Variants in SNX13 observed in about 807,000 individuals in gnomAD.
SNX13 encodes the protein sorting nexin-13.
SNX13 carries 45 observed loss-of-function variants against 133.6 expected under a neutral mutation model. The observed-to-expected ratio is 0.34, with a 90% CI of 0.27 to 0.43. The LOEUF (loss-of-function observed/expected upper bound fraction) is 0.43, where lower values mean the gene tolerates loss of function less well. Among genes scored for constraint, SNX13 ranks in the 20% least tolerant of loss-of-function variants. The pLI is 1.00. For missense variants in SNX13, 1,032 were observed against 1,145.1 expected (o/e 0.90, Z 1.43); for synonymous variants, 414 against 373.9 (o/e 1.11, Z -1.24).
chr7:17,876,204 ACT>A (rs1268194435), intron 5 of SNX13, among the ~76,000 whole-genome samples: 1 of 152,172 alleles, frequency 6.6e-6, no homozygotes, highest in Non-Finnish European at 1.5e-5. Flanking sequence ...TTTCTTCTGA[ACT>A]CTTTCTGAAT....
chr7:17,850,569 A>T (rs1791087489), intron 10 of SNX13, 134 bp from the exon 11 acceptor site: 1 of 651,060 alleles, frequency 1.5e-6, no homozygotes, highest in Non-Finnish European at 2.4e-6. Context: ...AACCATCTGA[A>T]ATTATACAGT....
At chr7:17,890,680 G>A (rs1016397936) in intron 4 of SNX13, among the ~76,000 whole-genome samples, 196 bp from the exon 5 acceptor site, 5 of 150,976 alleles carry the variant, frequency 3.3e-5, no homozygotes, top group African/African-American at 1.2e-4. Context: ...AATTATTCTG[G>A]TATCCCAACT....
At chr7:17,896,658 G>A (rs1367127625) in intron 2 of SNX13, among the ~76,000 whole-genome samples, 1 of 151,940 alleles carries the variant, frequency 6.6e-6, no homozygotes, top group African/African-American at 2.4e-5. Context: ...AACAACAAAA[G>A]ACTCATTTCA....
intron 1 of SNX13, among the ~76,000 whole-genome samples, chr7:17,902,995 G>A (rs946905496): frequency 1.3e-5 from 2 of 152,064 alleles, no homozygotes; most frequent in Admixed American, 6.5e-5. Context: ...CCTCCACCTC[G>A]CAGGCCATGG....
chr7:17,821,803 G>T, intron 17 of SNX13, 155 bp from the exon 18 acceptor site: 1 of 786,352 alleles, frequency 1.3e-6, no homozygotes, highest in Non-Finnish European at 1.9e-6. Flanking sequence ...ACAGAAGGAT[G>T]TCAGCAAAGG....
rs920335051 is a variant in SNX13, at chr7:17,790,986, T to C, written c.*3059A>G. 50 of 152,026 alleles carry C rather than the reference T, an allele frequency of 3.3e-4. No individual in the cohort carries two copies. Among genetic ancestry groups the C allele is most frequent in the African/African-American group, 1.0e-3 (43 of 41,446 alleles). 9.4% of individuals were successfully genotyped at this position (152,026 alleles called of 1,614,324 possible). A position where few individuals can be genotyped will look rare whatever the true frequency, so the allele number is the denominator to read the frequency against. On this transcript the variant is annotated 3_prime_UTR_variant, in exon 26 of 26. Transcript: ENST00000428135. ...TTATAATCCTAAAATGTGCTCTTCA[T>C]ATTTTTTCCCTTGTAATACAGGAGC...
intron 9 of SNX13, among the ~76,000 whole-genome samples, chr7:17,854,048 A>T (rs2723569): frequency 0.56 from 85,225 of 152,096 alleles, 24,349 homozygotes; most frequent in South Asian, 0.68. Flanking sequence ...ACAAAACTGA[A>T]ATTTGTACCT....
chr7:17,802,150 T>C (rs1378551137), intron 21 of SNX13, among the ~76,000 whole-genome samples: 3 of 152,016 alleles, frequency 2.0e-5, no homozygotes, highest in South Asian at 2.1e-4. Flanking sequence ...CTAGGAGCAA[T>C]AGGCAATACT....
At chr7:17,886,540 C>T (rs1021608831) in intron 5 of SNX13, among the ~76,000 whole-genome samples, 3 of 151,658 alleles carry the variant, frequency 2.0e-5, no homozygotes, top group East Asian at 1.9e-4. Flanking sequence ...TGCTCTCCAC[C>T]GATCATGCCA....
At chr7:17,883,919 T>C (rs1583615111) in intron 5 of SNX13, among the ~76,000 whole-genome samples, 2 of 152,204 alleles carry the variant, frequency 1.3e-5, no homozygotes, top group East Asian at 1.9e-4. Flanking sequence ...TTTATAAATA[T>C]AGTTTTATTG....
intron 5 of SNX13, chr7:17,888,639 C>T: frequency 2.1e-6 from 1 of 465,344 alleles, no homozygotes; most frequent in Non-Finnish European, 4.4e-6. Context: ...AATTCCTTCA[C>T]AATTTTCAAA....
chr7:17,892,422 T>G (rs940255953), intron 3 of SNX13, among the ~76,000 whole-genome samples: 3 of 151,546 alleles, frequency 2.0e-5, no homozygotes, highest in African/African-American at 7.3e-5. Flanking sequence ...TCTCTGTATA[T>G]GCCACTCAAA....
At chr7:17,891,708 T>A (rs1796649647) in intron 3 of SNX13, 73 bp from the exon 4 acceptor site, 2 of 992,952 alleles carry the variant, frequency 2.0e-6, no homozygotes, top group African/African-American at 3.2e-5. Flanking sequence ...TCCAGTTGAA[T>A]ACTCAATGTA....
intron 9 of SNX13, among the ~76,000 whole-genome samples, chr7:17,851,668 T>C (rs1256167721): frequency 1.7e-5 from 2 of 115,054 alleles, no homozygotes; most frequent in African/African-American, 6.6e-5. Context: ...ATAGTGGAGT[T>C]ACCACTAAAC....
At chr7:17,830,266 C>T in intron 15 of SNX13, 3 of 983,190 alleles carry the variant, frequency 3.1e-6, no homozygotes, top group Non-Finnish European at 3.6e-6. Flanking sequence ...ATAGTATGTA[C>T]CTGATAGCTG....
chr7:17,856,495 T>C (rs564447364), intron 9 of SNX13, among the ~76,000 whole-genome samples: 87 of 152,128 alleles, frequency 5.7e-4, no homozygotes, highest in Non-Finnish European at 5.9e-4. Context: ...TTAAAAGACA[T>C]AGAGCAGCTG....
At chr7:17,909,576 C>A (rs1475342132) in intron 1 of SNX13, among the ~76,000 whole-genome samples, 1 of 152,196 alleles carries the variant, frequency 6.6e-6, no homozygotes, top group Non-Finnish European at 1.5e-5. Flanking sequence ...ATGGGTCGAG[C>A]TAGAAGCCAT....
At chr7:17,911,634 T>C (rs1214275924) in intron 1 of SNX13, among the ~76,000 whole-genome samples, 10 of 89,570 alleles carry the variant, frequency 1.1e-4, no homozygotes, top group Non-Finnish European at 1.8e-4. Flanking sequence ...CGAGACTCTG[T>C]CTCAAAAAAA....
At chr7:17,915,460 A>G (rs2714853) in intron 1 of SNX13, among the ~76,000 whole-genome samples, 61,397 of 151,784 alleles carry the variant, frequency 0.4, 12,824 homozygotes, top group South Asian at 0.6. Flanking sequence ...CCCGTCAATG[A>G]TATGCGGTAA....
Sources: allele counts gnomAD v4.1 joint callset (sites outside exome capture counted in the v4.1 genomes callset), GRCh38; gene constraint gnomAD v4.1.1; transcripts MANE v1.5; gene names NCBI Gene and HGNC (gene_info 2026-07-23, HGNC 2026-07-21).